Variants in SRFBP1 observed in about 807,000 individuals in gnomAD.
The protein encoded by SRFBP1 is serum response factor binding protein 1.
In SRFBP1, 47 loss-of-function variants were observed where a neutral mutation model predicts 45.5. That is an observed-to-expected ratio of 1.03 (90% CI 0.82 to 1.32). The LOEUF (loss-of-function observed/expected upper bound fraction) is 1.32. SRFBP1 is among the 40% of genes most tolerant of loss of function. The pLI is 0.00. For synonymous variants in SRFBP1, 203 were observed against 166.3 expected, an observed-to-expected ratio of 1.22 and a Z score of -1.70; for missense variants, 621 against 484.6, an observed-to-expected ratio of 1.28 and a Z score of -2.64.
intron 5 of SRFBP1, among the ~76,000 whole-genome samples, chr5:122,019,719 CATG>C (rs1206152623): frequency 6.6e-6 from 1 of 151,296 alleles, no homozygotes; most frequent in Non-Finnish European, 1.5e-5. Context: ...TTTTTTGTCA[CATG>C]ATACTGAATT....
At chr5:121,990,166 A>G (rs1043889412) in intron 3 of SRFBP1, among the ~76,000 whole-genome samples, 4 of 152,330 alleles carry the variant, frequency 2.6e-5, no homozygotes, top group African/African-American at 9.6e-5. Flanking sequence ...ACATGGAATC[A>G]GTGCAGGTGC....
chr5:121,980,578 A>G (rs933550285), intron 3 of SRFBP1, among the ~76,000 whole-genome samples: 1 of 152,136 alleles, frequency 6.6e-6, no homozygotes, highest in African/African-American at 2.4e-5. Context: ...CATCAAGGAT[A>G]GTGATAATAG....
At chr5:122,014,572 T>G (rs958410142) in intron 4 of SRFBP1, among the ~76,000 whole-genome samples, 1 of 151,882 alleles carries the variant, frequency 6.6e-6, no homozygotes, top group African/African-American at 2.4e-5. Flanking sequence ...AAAAAAAAAT[T>G]AAAAAAATCT....
chr5:121,995,221 GCACCA>G (rs1319552155), intron 4 of SRFBP1, among the ~76,000 whole-genome samples: 1 of 151,446 alleles, frequency 6.6e-6, no homozygotes, highest in Non-Finnish European at 1.5e-5. Flanking sequence ...ATTTTTTTCA[GCACCA>G]CACCACACCT....
At chr5:121,968,221 CATTATT>C (rs5870986) in intron 1 of SRFBP1, among the ~76,000 whole-genome samples, 3,526 of 144,626 alleles carry the variant, frequency 0.024, 48 homozygotes, top group Admixed American at 0.027. Flanking sequence ...CAAACTCTGT[CATTATT>C]ATTATTATTA....
chr5:121,967,553 G>A (rs1422287847), intron 1 of SRFBP1, among the ~76,000 whole-genome samples: 2 of 152,152 alleles, frequency 1.3e-5, no homozygotes, highest in South Asian at 4.2e-4. Flanking sequence ...AATAATTTTG[G>A]CCAGGTGCAG....
intron 7 of SRFBP1, 103 bp downstream of exon 7, chr5:122,022,510 A>C: frequency 1.1e-6 from 1 of 910,158 alleles, no homozygotes; most frequent in East Asian, 2.8e-5. Context: ...TGAATGAATT[A>C]TGTACCCACA....
intron 1 of SRFBP1, among the ~76,000 whole-genome samples, chr5:121,963,263 C>T (rs1376458494): frequency 1.3e-5 from 2 of 152,118 alleles, no homozygotes; most frequent in East Asian, 1.9e-4. Flanking sequence ...GCCAGATTAA[C>T]GAGTCAGGAT....
chr5:121,972,527 T>C (rs1263583245), intron 1 of SRFBP1, among the ~76,000 whole-genome samples: 1 of 151,922 alleles, frequency 6.6e-6, no homozygotes, highest in African/African-American at 2.4e-5. Context: ...TTACAAGTAT[T>C]TGCTGTTGGC....
Position 122,000,129 on chromosome 5 carries a change from A to G in SRFBP1, c.270+5459A>G, listed in dbSNP as rs569082519. Among the ~76,000 whole-genome samples the G allele has an allele frequency of 6.6e-5, 10 of 152,160 alleles. No individual in the cohort carries two copies. In the South Asian group the frequency reaches 1.7e-3, roughly 25 times the overall value. On this transcript the variant is annotated intron_variant, in intron 4 of 7. Transcript: ENST00000339397. Reference sequence around the variant, plus strand: ...TTTAGTGTTCACTCTACAGTTCATAATATACACCTTTAATTAACCAAAATC... The same window carrying G: ...TTTAGTGTTCACTCTACAGTTCATAGTATACACCTTTAATTAACCAAAATC...
chr5:122,063,306 G>A (rs1754214047), intron 2 of SRFBP1: 1 of 151,894 alleles, frequency 6.6e-6, no homozygotes, highest in Non-Finnish European at 1.5e-5. Flanking sequence ...CAATGTCTGA[G>A]CATTTAAAAT....
chr5:122,034,594 A>G (rs1753657320), intron 2 of SRFBP1, among the ~76,000 whole-genome samples: 4 of 151,308 alleles, frequency 2.6e-5, no homozygotes, highest in Non-Finnish European at 5.9e-5. Context: ...ATCATTTTTT[A>G]TTCATCAGAA....
chr5:121,977,474 A>G (rs576193946), intron 3 of SRFBP1, among the ~76,000 whole-genome samples: 34 of 152,174 alleles, frequency 2.2e-4, no homozygotes, highest in African/African-American at 7.9e-4. Flanking sequence ...TTCTTTTACA[A>G]ATTTTGTTGT....
downstream of SRFBP1, chr5:122,077,051 C>T (rs1754658963): frequency 1.2e-6 from 2 of 1,603,102 alleles, no homozygotes; most frequent in African/African-American, 2.7e-5. The surrounding 1 kb of genome is among the most constrained non-coding windows in gnomAD (Gnocchi z 4.9). Flanking sequence ...CCGGCGCCCC[C>T]CGCTCCAACT....
chr5:122,022,265 A>G (rs1364493852), intron 6 of SRFBP1, 105 bp from the exon 7 acceptor site: 2 of 856,200 alleles, frequency 2.3e-6, no homozygotes, highest in Admixed American at 2.4e-5. Context: ...ACTAAGGAGT[A>G]TAGTGGCCCT....
Position 122,028,264 on chromosome 5 carries a change from G to C in SRFBP1, c.*1138G>C, listed in dbSNP as rs1214256789. 6.6e-6 allele frequency: 1 copy of C among 152,188 alleles called. No homozygotes were observed. The highest frequency in any genetic ancestry group is 1.5e-5 in the Non-Finnish European group (1 of 68,042). 9.4% of individuals were successfully genotyped at this position (152,188 alleles called of 1,614,324 possible). ...GCAGGGAAGGCCATCTGGTTAACCT[G>C]TATTCACAAACTCTCAAGAGTTTCT... is the stretch of plus-strand genomic sequence containing the variant. On this transcript the variant is annotated 3_prime_UTR_variant, in exon 8 of 8. Coordinates refer to ENST00000339397, the MANE Select transcript of SRFBP1 (RefSeq NM_152546.3).
chr5:122,070,004 C>T, intron 2 of SRFBP1: 1 of 1,359,978 alleles, frequency 7.4e-7, no homozygotes, highest in Non-Finnish European at 1.1e-6. Context: ...TTGGCATGAA[C>T]AAAAATTATT....
intron 2 of SRFBP1, among the ~76,000 whole-genome samples, chr5:122,073,520 G>C (rs555518796): frequency 2.0e-5 from 3 of 152,168 alleles, no homozygotes; most frequent in Non-Finnish European, 4.4e-5. Context: ...AAAACAGAAG[G>C]AAGGAATGGT....
chr5:122,076,791 C>T (rs1375756642), downstream of SRFBP1: 6 of 983,292 alleles, frequency 6.1e-6, no homozygotes, highest in African/African-American at 4.7e-5. Context: ...TGTCCCACTT[C>T]CTAACACTTG....
Sources: allele counts gnomAD v4.1 joint callset (sites outside exome capture counted in the v4.1 genomes callset), GRCh38; gene constraint gnomAD v4.1.1; non-coding constraint Gnocchi (gnomAD v3.1); transcripts MANE v1.5; gene names NCBI Gene and HGNC (gene_info 2026-07-23, HGNC 2026-07-21).